The following ADAT2 variants were observed in gnomAD, a reference collection of about 807,000 sequenced individuals.
ADAT2 encodes the protein adenosine deaminase tRNA specific 2, also known as tRNA-specific adenosine-34 deaminase catalytic subunit ADAT2.
Under a neutral mutation model 25.9 loss-of-function variants are expected in ADAT2, and 26 were observed. The ratio of observed to expected loss-of-function variants is 1.00; its 90% CI spans 0.74 to 1.39. The LOEUF (loss-of-function observed/expected upper bound fraction) is 1.39, where lower values mean the gene tolerates loss of function less well. Ranked by LOEUF, ADAT2 falls within the 40% of genes most tolerant of loss-of-function variation. ADAT2 has a pLI of 0.00. For missense variants in ADAT2, 220 were observed against 244.8 expected, an observed-to-expected ratio of 0.90 and a Z score of 0.68; for synonymous variants, 76 against 86.8, an observed-to-expected ratio of 0.88 and a Z score of 0.69.
At chr6:143,438,832 T>C in intron 1 of ADAT2, 138 bp from the exon 2 acceptor site, 1 of 690,402 alleles carries the variant, frequency 1.4e-6, no homozygotes, top group South Asian at 1.8e-5. Context: ...TTTTCTGGAA[T>C]ATAGTTCCAT....
In ADAT2 at chr6:143,446,873, T is replaced by G. The variant is rs1242249451; in HGVS notation, c.96+3690A>C. On this transcript the variant is annotated intron_variant, in intron 1 of 5. Transcript: ENST00000237283. The surrounding 1 kb of genome is among the most constrained non-coding windows in gnomAD (Gnocchi z 5.0). ...TGTGGGGCTTATAACATGGCCCACA[T>G]GAAAACACTGTGCATAGCATAGTAT... Among the ~76,000 whole-genome samples the G allele has an allele frequency of 6.6e-6, 1 of 152,176 alleles. No homozygotes were observed. Among genetic ancestry groups the G allele is most frequent in the Non-Finnish European group, 1.5e-5 (1 of 68,028 alleles).
At position 143,436,669 on chromosome 6, in the gene ADAT2, G is replaced by T; in HGVS notation, c.201+1921C>A. The T allele has an allele frequency of 3.1e-6, 1 of 326,660 alleles. No individual in the cohort carries two copies. The highest frequency in any genetic ancestry group is 3.0e-5 in the Admixed American group (1 of 33,880). 20.2% of individuals were successfully genotyped at this position (326,660 alleles called of 1,614,324 possible). On this transcript the variant is annotated intron_variant, in intron 2 of 5. Transcript: ENST00000237283. This position sits in a 1 kb window ranked among gnomAD's most constrained non-coding sequence, Gnocchi z 4.1. ...GTATCAGGATGCCACTGTTGAGGAG[G>T]AGGGAGAGTCTGAGGAGTGGACTGA...
Position 143,442,739 on chromosome 6 carries a change from TAA to T in ADAT2, c.97-4047_97-4046del, listed in dbSNP as rs1264148355. ...ACAAAAAGGATTTTGCAATGGGAAT[TAA>T]AAAGAGATGTTTAGTGAGTTTAGAG... On this transcript the variant is annotated intron_variant, in intron 1 of 5. Coordinates refer to ENST00000237283, the MANE Select transcript of ADAT2 (RefSeq NM_182503.3). This position sits in a 1 kb window ranked among gnomAD's most constrained non-coding sequence, Gnocchi z 4.6. Among the ~76,000 whole-genome samples, 1 of 152,180 alleles carries T rather than the reference TAA, an allele frequency of 6.6e-6. No individual in the cohort carries two copies. Among genetic ancestry groups the T allele is most frequent in the African/African-American group, 2.4e-5 (1 of 41,446 alleles).
rs1779339600 is a variant in ADAT2, at chr6:143,437,916, G to T, written c.201+674C>A. ...AGTATACTTATCATGACACACTATT[G>T]TGATACCATGTTTAAGAAGCATTGC... On this transcript the variant is annotated intron_variant, in intron 2 of 5. Coordinates refer to ENST00000237283, the MANE Select transcript of ADAT2 (RefSeq NM_182503.3). The surrounding 1 kb of genome is among the most constrained non-coding windows in gnomAD (Gnocchi z 4.1). 6.6e-6 allele frequency among the ~76,000 whole-genome samples: 1 copy of T among 152,116 alleles called. No individual in the cohort carries two copies. The highest frequency in any genetic ancestry group is 1.5e-5 in the Non-Finnish European group (1 of 68,032).
chr6:143,447,410 T>C (rs1779628296), intron 1 of ADAT2, among the ~76,000 whole-genome samples: 2 of 151,760 alleles, frequency 1.3e-5, no homozygotes, highest in Admixed American at 1.3e-4. Flanking sequence ...TAGGGAGGAG[T>C]GACTAATATA....
intron 1 of ADAT2, among the ~76,000 whole-genome samples, chr6:143,445,746 C>G (rs1779582258): frequency 1.3e-5 from 2 of 152,134 alleles, no homozygotes; most frequent in South Asian, 4.1e-4. Context: ...CACTACGAAG[C>G]TTCTCTTGCT....
At chr6:143,435,729 G>C (rs1308656684) in intron 2 of ADAT2, among the ~76,000 whole-genome samples, 1 of 152,070 alleles carries the variant, frequency 6.6e-6, no homozygotes, top group Admixed American at 6.5e-5. Flanking sequence ...TAACTGCTTT[G>C]TGATTCAACA....
intron 1 of ADAT2, among the ~76,000 whole-genome samples, chr6:143,449,266 G>A (rs924134331): frequency 2.0e-5 from 3 of 152,106 alleles, no homozygotes; most frequent in African/African-American, 4.8e-5. Context: ...TGCCCAGGCT[G>A]TTCTTCAACT....
rs1583967963 is a variant in ADAT2 at position 143,428,182 on chromosome 6, G to C, written c.*281C>G. On this transcript the variant is annotated 3_prime_UTR_variant, in exon 6 of 6. Coordinates refer to ENST00000237283, the MANE Select transcript of ADAT2 (RefSeq NM_182503.3). This position sits in a 1 kb window ranked among gnomAD's most constrained non-coding sequence, Gnocchi z 5.0. ...TGCCTGGACTGGGCACTTGTGGCTA[G>C]AAGGGTATGCACTACTTGCTAATTT... 1 of 435,022 alleles carries C rather than the reference G, an allele frequency of 2.3e-6. No individual in the cohort carries two copies. The highest frequency in any genetic ancestry group is 3.0e-5 in the South Asian group (1 of 32,896). The allele number at this position is 435,022 out of a possible 1,614,324, so 26.9% of individuals were successfully genotyped here.
In ADAT2 at chr6:143,425,908, G is replaced by T. The variant is rs1351992146; in HGVS notation, c.*2555C>A. On this transcript the variant is annotated 3_prime_UTR_variant, in exon 6 of 6. Transcript: ENST00000237283. ...AAATACAACACAGGAAGAGATGGTT[G>T]TGCCAAGTAACAAGAAAGCACAAAG... is the stretch of plus-strand genomic sequence containing the variant. 6.6e-6 allele frequency: 1 copy of T among 152,526 alleles called. No homozygotes were observed. The highest frequency in any genetic ancestry group is 1.5e-5 in the Non-Finnish European group (1 of 68,024). The allele number at this position is 152,526 out of a possible 1,614,324, so 9.4% of individuals were successfully genotyped here.
intron 1 of ADAT2, among the ~76,000 whole-genome samples, chr6:143,445,164 T>C (rs956248865): frequency 3.2e-4 from 48 of 151,938 alleles, no homozygotes; most frequent in Admixed American, 2.7e-3. Flanking sequence ...ATGTTTTTAT[T>C]CCATCAACTT....
intron 1 of ADAT2, among the ~76,000 whole-genome samples, chr6:143,439,346 C>CAAAAAAAAAAAAAAAAAAAA (rs35250658): frequency 1.3e-4 from 15 of 111,502 alleles, no homozygotes; most frequent in Middle Eastern, 4.7e-3. Context: ...TATGTGTCTA[C>CAAAAAAAAAAAAAAAAAAAA]AAAAAAAAAA....
At chr6:143,443,146 G>A (rs1362572843) in intron 1 of ADAT2, among the ~76,000 whole-genome samples, 1 of 126,440 alleles carries the variant, frequency 7.9e-6, no homozygotes, top group Non-Finnish European at 1.7e-5. Flanking sequence ...TGAGGCACAG[G>A]GAGATTTTTT....
At chr6:143,448,994 C>T (rs1779676265) in intron 1 of ADAT2, among the ~76,000 whole-genome samples, 1 of 151,982 alleles carries the variant, frequency 6.6e-6, no homozygotes, top group South Asian at 2.1e-4. Flanking sequence ...GTTATTAAAC[C>T]TGTCCTTTTA....
chr6:143,433,761 G>C, intron 3 of ADAT2, 70 bp downstream of exon 3: 4 of 1,452,080 alleles, frequency 2.8e-6, no homozygotes, highest in East Asian at 4.7e-5. Context: ...TGGAAAACAG[G>C]CTACGTGTTT....
Position 143,442,630 on chromosome 6 carries a change from G to A in ADAT2, c.97-3936C>T, listed in dbSNP as rs1430313615. Among the ~76,000 whole-genome samples, 1 of 152,054 alleles carries A rather than the reference G, an allele frequency of 6.6e-6. No homozygotes were observed. Among genetic ancestry groups the A allele is most frequent in the Non-Finnish European group, 1.5e-5 (1 of 68,016 alleles). On this transcript the variant is annotated intron_variant, in intron 1 of 5. Coordinates refer to ENST00000237283, the MANE Select transcript of ADAT2 (RefSeq NM_182503.3). The surrounding 1 kb of genome is among the most constrained non-coding windows in gnomAD (Gnocchi z 4.6). ...TACCACTGAAGGACACTAGACACTT[G>A]GGTCCTCCCAGTATATTATTATTGT...
intron 1 of ADAT2, among the ~76,000 whole-genome samples, chr6:143,445,895 T>C (rs1242124878): frequency 1.3e-5 from 2 of 152,172 alleles, no homozygotes; most frequent in Non-Finnish European, 2.9e-5. Flanking sequence ...GTTATATTAA[T>C]ATCAATTGCC....
rs1326591302 is a variant in ADAT2, at chr6:143,426,271, G to A, written c.*2192C>T. On this transcript the variant is annotated 3_prime_UTR_variant, in exon 6 of 6. Transcript: ENST00000237283. This position sits in a 1 kb window ranked among gnomAD's most constrained non-coding sequence, Gnocchi z 4.1. ...AGCTGGGGAATGTGGTACTCAGGAA[G>A]CTGAATGACCTCAACATATATCCAT... 6.6e-6 allele frequency: 1 copy of A among 152,206 alleles called. No individual in the cohort carries two copies. 9.4% of individuals were successfully genotyped at this position (152,206 alleles called of 1,614,324 possible). A position where few individuals can be genotyped will look rare whatever the true frequency, so the allele number is the denominator to read the frequency against.
intron 1 of ADAT2, among the ~76,000 whole-genome samples, chr6:143,445,317 T>A (rs1287146530): frequency 6.6e-6 from 1 of 151,922 alleles, no homozygotes; most frequent in Non-Finnish European, 1.5e-5. Flanking sequence ...CTGATGAAAG[T>A]TATGGACTGT....
Sources: allele counts gnomAD v4.1 joint callset (sites outside exome capture counted in the v4.1 genomes callset), GRCh38; gene constraint gnomAD v4.1.1; non-coding constraint Gnocchi (gnomAD v3.1); transcripts MANE v1.5; gene names NCBI Gene and HGNC (gene_info 2026-07-23, HGNC 2026-07-21).